The following ST6GALNAC3 variants were observed in gnomAD, a reference collection of about 807,000 sequenced individuals.
The protein encoded by ST6GALNAC3 is alpha-N-acetylgalactosaminide alpha-2,6-sialyltransferase 3.
Under a neutral mutation model 32.7 loss-of-function variants are expected in ST6GALNAC3, and 25 were observed. That is an observed-to-expected ratio of 0.76 (90% CI 0.56 to 1.07). ST6GALNAC3 has a LOEUF of 1.07. Ranked by LOEUF, ST6GALNAC3 falls within the 50% of genes least tolerant of loss-of-function variation. The pLI, the probability that ST6GALNAC3 is intolerant of heterozygous loss-of-function variation, is 0.00. For synonymous variants in ST6GALNAC3, 129 were observed against 133.1 expected (o/e 0.97, Z 0.21); for missense variants, 355 against 382.4 (o/e 0.93, Z 0.60).
intron 1 of ST6GALNAC3, among the ~76,000 whole-genome samples, chr1:76,295,420 T>A (rs1285286098): frequency 1.3e-5 from 2 of 152,130 alleles, no homozygotes; most frequent in African/African-American, 4.8e-5. Context: ...TGTATGTGTG[T>A]TCCTACTGCT....
intron 1 of ST6GALNAC3, among the ~76,000 whole-genome samples, chr1:76,180,882 T>C (rs906088989): frequency 6.6e-5 from 10 of 152,196 alleles, no homozygotes; most frequent in Non-Finnish European, 8.8e-5. Context: ...ACCCGGTTCT[T>C]CCAGGATGCT....
At chr1:76,204,142 C>T (rs1211003338) in intron 1 of ST6GALNAC3, among the ~76,000 whole-genome samples, 4 of 152,106 alleles carry the variant, frequency 2.6e-5, no homozygotes, top group African/African-American at 9.7e-5. Flanking sequence ...TTAGTGAGAA[C>T]ATGCAATTGT....
intron 1 of ST6GALNAC3, among the ~76,000 whole-genome samples, chr1:76,148,409 A>G (rs1650829312): frequency 6.6e-6 from 1 of 152,198 alleles, no homozygotes; most frequent in South Asian, 2.1e-4. Context: ...TTGGGTTTTC[A>G]TGTTCACATT....
intron 2 of ST6GALNAC3, among the ~76,000 whole-genome samples, chr1:76,385,475 C>T (rs1011388579): frequency 6.6e-6 from 1 of 152,094 alleles, no homozygotes; most frequent in Non-Finnish European, 1.5e-5. Flanking sequence ...CACTTAAACT[C>T]TCTGCATCTC....
chr1:76,272,324 GAAAAAAA>G (rs55839101), intron 1 of ST6GALNAC3, among the ~76,000 whole-genome samples: 4 of 112,064 alleles, frequency 3.6e-5, no homozygotes, highest in Non-Finnish European at 5.2e-5. Flanking sequence ...CTCAGTCTCG[GAAAAAAA>G]AAAAAAAAAA....
rs141891297 is a variant in ST6GALNAC3 at position 76,234,823 on chromosome 1, G to A, written c.19-78982G>A. ...GGATTCCTTTCTCTTCCTCCCAAAG[G>A]GTCTATGGAAGATGAAGAATACAAG... On this transcript the variant is annotated intron_variant, in intron 1 of 4. Coordinates refer to ENST00000328299, the MANE Select transcript of ST6GALNAC3 (RefSeq NM_152996.4). Among the ~76,000 whole-genome samples, 307 of 152,156 alleles carry A rather than the reference G, an allele frequency of 2.0e-3. 1 individual carries two copies. Among genetic ancestry groups the A allele is most frequent in the African/African-American group, 6.5e-3 (270 of 41,492 alleles).
rs144154805 is a variant in ST6GALNAC3, at chr1:76,348,576, TTTCCAAC to T, written c.213+34580_213+34586del. Among the ~76,000 whole-genome samples the T allele has an allele frequency of 5.6e-3, 850 of 152,306 alleles. 9 individuals are homozygous for T. Among genetic ancestry groups the T allele is most frequent in the African/African-American group, 0.02 (828 of 41,568 alleles). ...TTGAAATTTTCATTGTATGATAGAT[TTTCCAAC>T]TTTTTTTCTTTCCTGAAAACCAAGA... On this transcript the variant is annotated intron_variant, in intron 2 of 4. Transcript: ENST00000328299.
At chr1:76,174,972 A>G (rs1485186468) in intron 1 of ST6GALNAC3, among the ~76,000 whole-genome samples, 3 of 152,042 alleles carry the variant, frequency 2.0e-5, no homozygotes, top group South Asian at 4.1e-4. Context: ...TCAGCCCAAT[A>G]AATATGTTCT....
At chr1:76,283,236 G>A (rs1374147859) in intron 1 of ST6GALNAC3, among the ~76,000 whole-genome samples, 2 of 152,020 alleles carry the variant, frequency 1.3e-5, no homozygotes, top group Non-Finnish European at 2.9e-5. Flanking sequence ...ATGTTACAGA[G>A]TATAGAAAAT....
At chr1:76,119,655 T>C (rs1258926583) in intron 1 of ST6GALNAC3, among the ~76,000 whole-genome samples, 1 of 152,242 alleles carries the variant, frequency 6.6e-6, no homozygotes, top group Non-Finnish European at 1.5e-5. Context: ...AGGCATATTT[T>C]AGGCTGTTTA....
At chr1:76,548,527 T>C (rs949431902) in intron 3 of ST6GALNAC3, among the ~76,000 whole-genome samples, 1 of 152,170 alleles carries the variant, frequency 6.6e-6, no homozygotes, top group African/African-American at 2.4e-5. Context: ...CAGGATGACA[T>C]AGCAGGAGTT....
chr1:76,558,520 A>G (rs914628321), intron 3 of ST6GALNAC3, among the ~76,000 whole-genome samples: 3 of 152,178 alleles, frequency 2.0e-5, no homozygotes, highest in Non-Finnish European at 4.4e-5. Flanking sequence ...GTTCTCACTT[A>G]TAAGTGGGAG....
chr1:76,499,517 T>C (rs922420830), intron 3 of ST6GALNAC3, among the ~76,000 whole-genome samples: 4 of 152,124 alleles, frequency 2.6e-5, no homozygotes, highest in Non-Finnish European at 5.9e-5. Context: ...GGTTTGCAGC[T>C]TCCACGTTCT....
chr1:76,199,429 A>G lies in ST6GALNAC3; in HGVS notation c.19-114376A>G, dbSNP rs567858746. Among the ~76,000 whole-genome samples, 5 of 152,348 alleles carry G rather than the reference A, an allele frequency of 3.3e-5. No homozygotes were observed. In the East Asian group the frequency reaches 9.6e-4, roughly 29 times the overall value. On this transcript the variant is annotated intron_variant, in intron 1 of 4. Coordinates refer to ENST00000328299, the MANE Select transcript of ST6GALNAC3 (RefSeq NM_152996.4). ...GTAGAGCTGTGCTTCTGCTTTATAA[A>G]ATCCACTTTTGATGAAAAATTAACA...
intron 3 of ST6GALNAC3, among the ~76,000 whole-genome samples, chr1:76,608,400 A>G (rs929022547): frequency 2.7e-4 from 41 of 152,168 alleles, no homozygotes; most frequent in Admixed American, 3.9e-4. Context: ...TAACGGGAGG[A>G]GAAAGACAAC....
chr1:76,211,126 G>T (rs1415913449), intron 1 of ST6GALNAC3, among the ~76,000 whole-genome samples: 1 of 152,148 alleles, frequency 6.6e-6, no homozygotes, highest in African/African-American at 2.4e-5. Context: ...ATCTCCGAAG[G>T]ATATGAACAG....
intron 4 of ST6GALNAC3, among the ~76,000 whole-genome samples, chr1:76,628,121 G>C (rs375927821): frequency 6.6e-6 from 1 of 152,032 alleles, no homozygotes; most frequent in East Asian, 1.9e-4. Flanking sequence ...AACCCTCCAT[G>C]CTTCATCAGG....
At chr1:76,155,088 A>T (rs895437332) in intron 1 of ST6GALNAC3, among the ~76,000 whole-genome samples, 4 of 151,904 alleles carry the variant, frequency 2.6e-5, no homozygotes, top group African/African-American at 9.7e-5. Context: ...TATTTGTGGG[A>T]ATCGGGGAGT....
chr1:76,258,152 G>T (rs1206789122), intron 1 of ST6GALNAC3, among the ~76,000 whole-genome samples: 1 of 152,188 alleles, frequency 6.6e-6, no homozygotes, highest in Non-Finnish European at 1.5e-5. Flanking sequence ...TGGTTAAAAT[G>T]AGTCACATGT....
Sources: gnomAD v4.1 joint callset for allele counts (sites outside exome capture counted in the v4.1 genomes callset) on GRCh38, gnomAD v4.1.1 for gene constraint, MANE v1.5 for transcripts, NCBI Gene and HGNC (gene_info 2026-07-23, HGNC 2026-07-21) for gene names.